OSBPL6: variants seen among roughly 807,000 people sequenced by gnomAD.
OSBPL6 encodes the protein oxysterol-binding protein-related protein 6.
In OSBPL6, 49 loss-of-function variants were observed where a neutral mutation model predicts 125.8. The observed-to-expected ratio is 0.39, with a 90% CI of 0.31 to 0.49. The LOEUF (loss-of-function observed/expected upper bound fraction) is 0.49, where lower values mean the gene tolerates loss of function less well. Ranked by LOEUF, OSBPL6 falls within the 20% of genes least tolerant of loss-of-function variation. The probability of loss-of-function intolerance (pLI) is 0.88; values close to 1 mark genes in which losing one functional copy is unlikely to be tolerated. For synonymous variants in OSBPL6, 394 were observed against 391.8 expected, an observed-to-expected ratio of 1.01 and a Z score of -0.07; for missense variants, 986 against 1,135.4, an observed-to-expected ratio of 0.87 and a Z score of 1.89.
chr2:178,295,199 T>C (rs969396494), intron 2 of OSBPL6, among the ~76,000 whole-genome samples: 3 of 152,176 alleles, frequency 2.0e-5, no homozygotes, highest in Non-Finnish European at 2.9e-5. Context: ...CAGAATGTCC[T>C]GTGTAAATGA....
Position 178,399,395 on chromosome 2 carries a change from TTAAAC to T in OSBPL6, c.*3842_*3846del, listed in dbSNP as rs1377026808. On this transcript the variant is annotated 3_prime_UTR_variant, in exon 25 of 25. Transcript: ENST00000190611. ...AACTGTACATTGCATAATCATTCTG[TTAAAC>T]TAAACCTTTGTTTAATACATAATTG... is the stretch of plus-strand genomic sequence containing the variant. The T allele has an allele frequency of 6.6e-6, 1 of 152,226 alleles. No individual in the cohort carries two copies. Among genetic ancestry groups the T allele is most frequent in the East Asian group, 1.9e-4 (1 of 5,198 alleles). 9.4% of individuals were successfully genotyped at this position (152,226 alleles called of 1,614,324 possible). A position where few individuals can be genotyped will look rare whatever the true frequency, so the allele number is the denominator to read the frequency against.
intron 1 of OSBPL6, among the ~76,000 whole-genome samples, chr2:178,254,314 A>G (rs903022727): frequency 6.6e-6 from 1 of 151,236 alleles, no homozygotes; most frequent in African/African-American, 2.4e-5. Context: ...AATCACTTGA[A>G]CCCGAGAGGC....
chr2:178,385,198 A>C (rs1694834967), intron 18 of OSBPL6, among the ~76,000 whole-genome samples: 1 of 152,152 alleles, frequency 6.6e-6, no homozygotes, highest in Admixed American at 6.5e-5. Flanking sequence ...ACAAACCTGC[A>C]CATTCTGCAC....
chr2:178,367,530 G>C (rs997939689), intron 13 of OSBPL6, among the ~76,000 whole-genome samples: 1 of 152,160 alleles, frequency 6.6e-6, no homozygotes, highest in Non-Finnish European at 1.5e-5. Flanking sequence ...TTAGTAAAAT[G>C]TTTATGCCAG....
At chr2:178,251,159 G>A (rs2091680083) in intron 1 of OSBPL6, among the ~76,000 whole-genome samples, 1 of 152,018 alleles carries the variant, frequency 6.6e-6, no homozygotes. Context: ...GAGCAGAAGG[G>A]GGATCCATGC....
At chr2:178,263,908 A>C (rs966703647) in intron 1 of OSBPL6, among the ~76,000 whole-genome samples, 5 of 152,022 alleles carry the variant, frequency 3.3e-5, no homozygotes, top group African/African-American at 1.2e-4. Flanking sequence ...AAACTGCCTC[A>C]GGATCCCTGA....
At chr2:178,221,083 A>G (rs1257623040) in intron 1 of OSBPL6, among the ~76,000 whole-genome samples, 2 of 152,170 alleles carry the variant, frequency 1.3e-5, no homozygotes, top group African/African-American at 4.8e-5. Context: ...TCTCTGAGGT[A>G]AAGAGGCTCT....
chr2:178,198,717 G>GTGGACGTACTATCTGTAATA (rs1355330685), intron 1 of OSBPL6, among the ~76,000 whole-genome samples: 4 of 152,122 alleles, frequency 2.6e-5, no homozygotes, highest in Admixed American at 2.6e-4. Context: ...TATCTGTAAT[G>GTGGACGTACTATCTGTAATA]TGGACGTACT....
intron 1 of OSBPL6, among the ~76,000 whole-genome samples, chr2:178,258,174 C>T (rs1186943665): frequency 6.6e-6 from 1 of 151,960 alleles, no homozygotes; most frequent in Non-Finnish European, 1.5e-5. Flanking sequence ...GATCTTGGCT[C>T]ACCATGGCCT....
chr2:178,297,818 C>A (rs1685894188), intron 2 of OSBPL6, among the ~76,000 whole-genome samples: 1 of 152,192 alleles, frequency 6.6e-6, no homozygotes, highest in African/African-American at 2.4e-5. Flanking sequence ...TTGTAGAAGT[C>A]ATAATAGCTG....
chr2:178,276,782 G>GTT (rs60096710), intron 1 of OSBPL6, among the ~76,000 whole-genome samples: 2,233 of 138,102 alleles, frequency 0.016, 42 homozygotes, highest in East Asian at 0.077. Context: ...CACTAGAAGA[G>GTT]TTTTTTTTTT....
rs578213922 is a variant in OSBPL6, at chr2:178,357,320, G to C, written c.1154-4362G>C. On this transcript the variant is annotated intron_variant, in intron 12 of 24. Coordinates refer to ENST00000190611, the MANE Select transcript of OSBPL6 (RefSeq NM_032523.4). ...ACAGGCAACCTACAGAATGGGAGAA[G>C]ATTTTTGCAATCTACCCATCTGACA... is the stretch of plus-strand genomic sequence containing the variant. Among the ~76,000 whole-genome samples the C allele has an allele frequency of 2.8e-3, 423 of 152,232 alleles. 2 individuals are homozygous for C. The highest frequency in any genetic ancestry group is 9.5e-3 in the African/African-American group (394 of 41,534).
chr2:178,234,771 C>G (rs2090979163), intron 1 of OSBPL6, among the ~76,000 whole-genome samples: 1 of 152,144 alleles, frequency 6.6e-6, no homozygotes, highest in South Asian at 2.1e-4. Context: ...ACAGTACCTG[C>G]TTTTGGAATC....
chr2:178,199,172 G>A (rs2089092178), intron 1 of OSBPL6, among the ~76,000 whole-genome samples: 1 of 152,124 alleles, frequency 6.6e-6, no homozygotes, highest in South Asian at 2.1e-4. Context: ...ATCCCTATGT[G>A]TGATTAAAAG....
At chr2:178,307,090 C>T (rs334608) in intron 3 of OSBPL6, among the ~76,000 whole-genome samples, 112,467 of 152,064 alleles carry the variant, frequency 0.74, 42,290 homozygotes, top group Middle Eastern at 0.81. Context: ...AAAAGTTTTC[C>T]GTTTTGGCAA....
chr2:178,208,200 G>T (rs986709489), intron 1 of OSBPL6, among the ~76,000 whole-genome samples: 10 of 151,394 alleles, frequency 6.6e-5, no homozygotes, highest in Non-Finnish European at 1.0e-4. Context: ...CACGAGAATT[G>T]CTTCAACCCC....
At chr2:178,357,181 A>G (rs942549349) in intron 12 of OSBPL6, among the ~76,000 whole-genome samples, 1 of 152,382 alleles carries the variant, frequency 6.6e-6, no homozygotes, top group Non-Finnish European at 1.5e-5. Flanking sequence ...GGCATGGGCA[A>G]GGACTTCATG....
chr2:178,259,763 G>A lies in OSBPL6; in HGVS notation c.-350-25164G>A, dbSNP rs1201305912. ...CTGCCTCTGGCTTCTTTGACAGGCG[G>A]CAGTTTCTATTCCAAAGAAAGTTTG... On this transcript the variant is annotated intron_variant, in intron 1 of 24. Coordinates refer to ENST00000190611, the MANE Select transcript of OSBPL6 (RefSeq NM_032523.4). 3.9e-5 allele frequency among the ~76,000 whole-genome samples: 6 copies of A among 152,176 alleles called. No homozygotes were observed. The East Asian group carries it at 1.2e-3, about 29-fold the overall frequency.
intron 2 of OSBPL6, among the ~76,000 whole-genome samples, chr2:178,291,792 GCCAT>G (rs371679590): frequency 2.2e-4 from 26 of 116,724 alleles, no homozygotes; most frequent in East Asian, 1.2e-3. Context: ...CTTCCTGCCT[GCCAT>G]CCATCCATCC....
Sources: gnomAD v4.1 joint callset for allele counts (sites outside exome capture counted in the v4.1 genomes callset) on GRCh38, gnomAD v4.1.1 for gene constraint, MANE v1.5 for transcripts, NCBI Gene and HGNC (gene_info 2026-07-23, HGNC 2026-07-21) for gene names.